DENND4A: variants seen among roughly 807,000 people sequenced by gnomAD.
DENND4A encodes C-myc promoter-binding protein.
Under a neutral mutation model 199.3 loss-of-function variants are expected in DENND4A, and 70 were observed. The observed-to-expected ratio is 0.35, with a 90% CI of 0.29 to 0.43. DENND4A has a LOEUF of 0.43. DENND4A is among the 20% of genes least tolerant of loss of function. The probability of loss-of-function intolerance (pLI) is 1.00; values close to 1 mark genes in which losing one functional copy is unlikely to be tolerated. For synonymous variants in DENND4A, 686 were observed against 766.9 expected, an observed-to-expected ratio of 0.89 and a Z score of 1.74; for missense variants, 1,723 against 2,255.8, an observed-to-expected ratio of 0.76 and a Z score of 4.78.
At chr15:65,772,206 G>T in intron 1 of DENND4A, 2 of 625,688 alleles carry the variant, frequency 3.2e-6, no homozygotes, top group South Asian at 2.1e-5. Flanking sequence ...AATGTTTGGT[G>T]ACTTAAAGGT....
intron 29 of DENND4A, among the ~76,000 whole-genome samples, chr15:65,667,243 T>G (rs925963923): frequency 2.0e-5 from 3 of 152,172 alleles, no homozygotes; most frequent in Admixed American, 6.5e-5. Flanking sequence ...GGCAGGAGAA[T>G]TGCTTGAACC....
intron 4 of DENND4A, among the ~76,000 whole-genome samples, chr15:65,749,045 A>G (rs1047282545): frequency 6.6e-6 from 1 of 151,152 alleles, no homozygotes; most frequent in South Asian, 2.1e-4. Flanking sequence ...GAGTAGCTGC[A>G]GTAGAAAAAA....
chr15:65,679,386 C>A (rs1386398353), intron 23 of DENND4A, among the ~76,000 whole-genome samples: 1 of 152,084 alleles, frequency 6.6e-6, no homozygotes, highest in Non-Finnish European at 1.5e-5. Flanking sequence ...CAGGTGTGAG[C>A]CACCACACCT....
At chr15:65,766,851 T>C (rs987766722) in intron 1 of DENND4A, 1 of 152,064 alleles carries the variant, frequency 6.6e-6, no homozygotes, top group African/African-American at 2.4e-5. Context: ...GATTCCTACA[T>C]ATATAAGAAC....
chr15:65,718,058 A>C, intron 12 of DENND4A, 62 bp from the exon 13 acceptor site: 1 of 1,251,916 alleles, frequency 8.0e-7, no homozygotes, highest in South Asian at 1.5e-5. Flanking sequence ...GATGGTACCA[A>C]TATAATTTTG....
At chr15:65,760,228 G>A (rs1419195744) in intron 2 of DENND4A, among the ~76,000 whole-genome samples, 2 of 152,228 alleles carry the variant, frequency 1.3e-5, no homozygotes, top group East Asian at 1.9e-4. Context: ...CAGGCGTGGT[G>A]GCTCATGCCT....
At chr15:65,721,921 A>G (rs1035995764) in intron 12 of DENND4A, among the ~76,000 whole-genome samples, 1 of 152,254 alleles carries the variant, frequency 6.6e-6, no homozygotes, top group African/African-American at 2.4e-5. Flanking sequence ...ACAAGTCAAG[A>G]TATATTCTCA....
At chr15:65,773,942 A>G (rs893249152) in intron 1 of DENND4A, among the ~76,000 whole-genome samples, 6 of 152,242 alleles carry the variant, frequency 3.9e-5, no homozygotes, top group African/African-American at 1.4e-4. Context: ...GGAATTGAAA[A>G]GAGAAGTAAA....
intron 7 of DENND4A, among the ~76,000 whole-genome samples, chr15:65,734,665 A>C (rs2076062081): frequency 6.6e-6 from 1 of 152,202 alleles, no homozygotes. Context: ...CAGGGGATGA[A>C]TACCACAGCA....
At chr15:65,704,543 T>A (rs2074982214) in intron 15 of DENND4A, among the ~76,000 whole-genome samples, 1 of 152,112 alleles carries the variant, frequency 6.6e-6, no homozygotes, top group African/African-American at 2.4e-5. Flanking sequence ...CAGCTATTTT[T>A]AAAAAATTAT....
At chr15:65,702,829 T>C in intron 16 of DENND4A, 44 bp downstream of exon 16, 1 of 1,551,358 alleles carries the variant, frequency 6.4e-7, no homozygotes, top group Non-Finnish European at 8.8e-7. Flanking sequence ...TCCAATTTAT[T>C]TCTTGTTCTA....
intron 23 of DENND4A, among the ~76,000 whole-genome samples, chr15:65,689,391 C>T (rs1434921702): frequency 2.0e-5 from 3 of 152,098 alleles, no homozygotes; most frequent in Non-Finnish European, 4.4e-5. Context: ...GAGTGATAGA[C>T]ATTGTATATT....
chr15:65,694,354 CATGAGA>C (rs2077070420), intron 22 of DENND4A, among the ~76,000 whole-genome samples: 1 of 151,766 alleles, frequency 6.6e-6, no homozygotes, highest in Non-Finnish European at 1.5e-5. Flanking sequence ...GAGGCTGAGA[CATGAGA>C]ATTGCTTGAA....
chr15:65,738,063 AAC>A, intron 6 of DENND4A, 118 bp from the exon 7 acceptor site: 1 of 981,712 alleles, frequency 1.0e-6, no homozygotes, highest in Non-Finnish European at 1.5e-6. Context: ...AGGTATTAAG[AAC>A]ACAGTGATGA....
chr15:65,757,669 T>C (rs910747511), intron 2 of DENND4A, among the ~76,000 whole-genome samples: 4 of 152,158 alleles, frequency 2.6e-5, no homozygotes, highest in Admixed American at 1.3e-4. Flanking sequence ...AACTACAAAC[T>C]AAGAAATTAA....
At chr15:65,710,513 T>C (rs1187456570) in intron 14 of DENND4A, among the ~76,000 whole-genome samples, 6 of 152,080 alleles carry the variant, frequency 3.9e-5, no homozygotes, top group Non-Finnish European at 5.9e-5. Context: ...ATACAACCAA[T>C]GGAAGCCCAG....
chr15:65,683,632 GAA>G lies in DENND4A; in HGVS notation c.4179+6781_4179+6782del, dbSNP rs1433837344. The stretch of plus-strand genomic sequence containing the variant: ...ATTTTATCTTTGATTCAAATTATTT[GAA>G]AGTGTGTTCAGGTTTTTCTTGATCT... On this transcript the variant is annotated intron_variant, in intron 23 of 32. Transcript: ENST00000443035. Among the ~76,000 whole-genome samples, 6 of 152,164 alleles carry G rather than the reference GAA, an allele frequency of 3.9e-5. No individual in the cohort carries two copies. In the East Asian group the frequency reaches 1.2e-3, roughly 29 times the overall value.
At chr15:65,667,383 T>C (rs2076077526) in intron 29 of DENND4A, 66 bp downstream of exon 29, 4 of 1,500,924 alleles carry the variant, frequency 2.7e-6, no homozygotes, top group Non-Finnish European at 3.6e-6. Flanking sequence ...TTTTAATCAT[T>C]AGGAATATGC....
chr15:65,664,220 A>G, intron 32 of DENND4A, 110 bp downstream of exon 32: 1 of 661,642 alleles, frequency 1.5e-6, no homozygotes, highest in South Asian at 2.4e-5. Flanking sequence ...CTACCTTTAT[A>G]TAATTACAGA....
Sources: allele counts gnomAD v4.1 joint callset (sites outside exome capture counted in the v4.1 genomes callset), GRCh38; gene constraint gnomAD v4.1.1; transcripts MANE v1.5; gene names NCBI Gene and HGNC (gene_info 2026-07-23, HGNC 2026-07-21).